Variants in LATS2 observed in about 807,000 individuals in gnomAD.
The protein encoded by LATS2 is serine/threonine-protein kinase LATS2.
In LATS2, 24 loss-of-function variants were observed where a neutral mutation model predicts 76.0. That is an observed-to-expected ratio of 0.32 (90% CI 0.23 to 0.44). LATS2 has a LOEUF of 0.44. LATS2 is among the 20% of genes least tolerant of loss of function. The pLI is 1.00. For synonymous variants in LATS2, 692 were observed against 635.4 expected, an observed-to-expected ratio of 1.09 and a Z score of -1.34; for missense variants, 1,286 against 1,481.2, an observed-to-expected ratio of 0.87 and a Z score of 2.16.
Position 21,049,191 on chromosome 13 carries a change from G to A in LATS2, c.-204-2961C>T, listed in dbSNP as rs180809643. On this transcript the variant is annotated intron_variant, in intron 1 of 7. Transcript: ENST00000382592. ...GACTCGGGGGTAGTGGGGGTGTCTC[G>A]TGGGATGAAACCATGGAGGTATCCA... 3.7e-4 allele frequency among the ~76,000 whole-genome samples: 56 copies of A among 152,302 alleles called. 1 individual carries two copies. Among genetic ancestry groups the A allele is most frequent in the Admixed American group, 1.5e-3 (23 of 15,308 alleles).
chr13:21,045,242 T>C (rs1425170427), intron 2 of LATS2, among the ~76,000 whole-genome samples: 1 of 151,882 alleles, frequency 6.6e-6, no homozygotes, highest in Non-Finnish European at 1.5e-5. Context: ...AGTCAGAGAA[T>C]AGCCAATGCA....
chr13:20,973,766 C>T lies in LATS2; in HGVS notation c.*1104G>A, dbSNP rs1177550464. The stretch of plus-strand genomic sequence containing the variant: ...AGAAGAAAACAGGACTAAGAACATT[C>T]ACTGAAGCTTTCAGTGTGGGCAGTC... On this transcript the variant is annotated 3_prime_UTR_variant, in exon 8 of 8. Transcript: ENST00000382592. 1 of 229,760 alleles carries T rather than the reference C, an allele frequency of 4.4e-6. No homozygotes were observed. The highest frequency in any genetic ancestry group is 2.2e-5 in the African/African-American group (1 of 45,142). The allele number at this position is 229,760 out of a possible 1,614,324, so 14.2% of individuals were successfully genotyped here. A position where few individuals can be genotyped will look rare whatever the true frequency, so the allele number is the denominator to read the frequency against.
intron 2 of LATS2, among the ~76,000 whole-genome samples, chr13:21,019,397 G>A (rs1206978072): frequency 6.7e-6 from 1 of 149,608 alleles, no homozygotes; most frequent in Non-Finnish European, 1.5e-5. Context: ...CGCAATCTCA[G>A]CTCACTGCAA....
intron 6 of LATS2, among the ~76,000 whole-genome samples, 174 bp from the exon 7 acceptor site, chr13:20,979,971 G>A (rs942990754): frequency 5.3e-5 from 8 of 152,184 alleles, no homozygotes; most frequent in African/African-American, 1.9e-4. Context: ...GTGGGGTGGT[G>A]GGGGGCGGTG....
Position 21,012,234 on chromosome 13 carries a change from C to A in LATS2, c.343-20830G>T, listed in dbSNP as rs529411212. 1.0e-3 allele frequency among the ~76,000 whole-genome samples: 156 copies of A among 152,176 alleles called. 1 individual carries two copies. The highest frequency in any genetic ancestry group is 0.01 in the Middle Eastern group (3 of 294). ...AAAAAATGCATATCTATATAGGACA[C>A]TTAACATGAATGGAGCCTGTAGGGA... On this transcript the variant is annotated intron_variant, in intron 2 of 7. Transcript: ENST00000382592.
chr13:20,974,335 T>C lies in LATS2; in HGVS notation c.*535A>G, dbSNP rs1374071823. On this transcript the variant is annotated 3_prime_UTR_variant, in exon 8 of 8. Transcript: ENST00000382592. Reference sequence around the variant, plus strand: ...AGCAGCTTTTAACATTATATCATTATATCACAATTTTGAAACATGGGAAAA... The same window carrying C: ...AGCAGCTTTTAACATTATATCATTACATCACAATTTTGAAACATGGGAAAA... 2.6e-5 allele frequency: 6 copies of C among 226,546 alleles called. No homozygotes were observed. In the South Asian group the frequency reaches 7.3e-4, roughly 28 times the overall value. 14.0% of individuals were successfully genotyped at this position (226,546 alleles called of 1,614,324 possible). A position where few individuals can be genotyped will look rare whatever the true frequency, so the allele number is the denominator to read the frequency against.
Position 20,988,510 on chromosome 13 carries a change from G to T in LATS2, c.1270C>A (p.Pro424Thr). The T allele has an allele frequency of 6.6e-7, 1 of 1,512,038 alleles. No homozygotes were observed. Among genetic ancestry groups the T allele is most frequent in the Non-Finnish European group, 8.9e-7 (1 of 1,118,814 alleles). 93.7% of individuals were successfully genotyped at this position (1,512,038 alleles called of 1,614,324 possible). The change falls in exon 4 of 8, where the codon CCC (proline) becomes ACC (threonine). Residue 424 changes from proline (P) to threonine (T), a missense_variant. Physicochemically the swap from Pro to Thr is conservative, Grantham distance 38. Around this residue, in one of 5 missense-constraint regions of LATS2, gnomAD observed 710 missense variants for 660.9 expected, o/e 1.07. Transcript: ENST00000382592. Reference protein sequence around the residue: ...PRPGPPGKAEPSLPAPNTVTA... With the variant: ...PRPGPPGKAETSLPAPNTVTA... ...ACGGTGTTGGGGGCGGGCAGGGAGG[G>T]CTCGGCCTTGCCAGGCGGACCGGGC... is the stretch of plus-strand genomic sequence containing the variant.
intron 2 of LATS2, among the ~76,000 whole-genome samples, chr13:21,007,545 GTATATATA>G (rs71090549): frequency 8.0e-3 from 29 of 3,606 alleles, no homozygotes; most frequent in East Asian, 0.017. Context: ...TATATATATA[GTATATATA>G]TATATATATA....
At chr13:21,004,478 T>C (rs478243) in intron 2 of LATS2, among the ~76,000 whole-genome samples, 62,351 of 151,036 alleles carry the variant, frequency 0.41, 14,678 homozygotes, top group African/African-American at 0.63. Flanking sequence ...GAGAATCAAA[T>C]TTTAACAGTA....
In LATS2 at chr13:20,998,634, C is replaced by T. The variant is rs562356105; in HGVS notation, c.343-7230G>A. On this transcript the variant is annotated intron_variant, in intron 2 of 7. Coordinates refer to ENST00000382592, the MANE Select transcript of LATS2 (RefSeq NM_014572.3). ...GGAAAGGCCCCTGGAAGAATGAGGC[C>T]CTCCGGGCCCAGGCCTCCTCTAACC... Among the ~76,000 whole-genome samples, 31 of 152,340 alleles carry T rather than the reference C, an allele frequency of 2.0e-4. 1 individual carries two copies. In the East Asian group the frequency reaches 6.0e-3, roughly 29 times the overall value.
chr13:20,974,744 A>C lies in LATS2; in HGVS notation c.*126T>G. 1 of 1,008,812 alleles carries C rather than the reference A, an allele frequency of 9.9e-7. No homozygotes were observed. The highest frequency in any genetic ancestry group is 1.4e-6 in the Non-Finnish European group (1 of 702,258). The allele number at this position is 1,008,812 out of a possible 1,614,324, so 62.5% of individuals were successfully genotyped here. A position where few individuals can be genotyped will look rare whatever the true frequency, so the allele number is the denominator to read the frequency against. On this transcript the variant is annotated 3_prime_UTR_variant, in exon 8 of 8. Transcript: ENST00000382592. Reference sequence around the variant, plus strand: ...TTTTCTTGGTGAAGAGCAGAATTTCAAGTGAAGTAATCGACGGACTAATTT... The same window carrying C: ...TTTTCTTGGTGAAGAGCAGAATTTCCAGTGAAGTAATCGACGGACTAATTT...
At chr13:20,998,486 T>C (rs1290318226) in intron 2 of LATS2, among the ~76,000 whole-genome samples, 5 of 152,220 alleles carry the variant, frequency 3.3e-5, no homozygotes, top group Non-Finnish European at 5.9e-5. Flanking sequence ...CTGTGCTTGC[T>C]TGGAGGATTG....
chr13:21,055,658 C>T (rs567963692), intron 1 of LATS2, among the ~76,000 whole-genome samples: 2 of 152,220 alleles, frequency 1.3e-5, no homozygotes, highest in Non-Finnish European at 2.9e-5. Context: ...CAAACCCACA[C>T]TGGCTGCCAA....
chr13:21,044,093 C>A (rs562010784), intron 2 of LATS2, among the ~76,000 whole-genome samples: 2 of 152,234 alleles, frequency 1.3e-5, no homozygotes, highest in African/African-American at 4.8e-5. Context: ...AAACACTCTG[C>A]ACCACATTAC....
intron 2 of LATS2, chr13:21,017,923 G>A (rs1384723850): frequency 1.3e-5 from 2 of 152,198 alleles, no homozygotes; most frequent in Non-Finnish European, 2.9e-5. Flanking sequence ...AGCATGTCCA[G>A]CCTGATTCAT....
rs553420114 is a variant in LATS2, at chr13:21,002,103, C to T, written c.343-10699G>A. On this transcript the variant is annotated intron_variant, in intron 2 of 7. Coordinates refer to ENST00000382592, the MANE Select transcript of LATS2 (RefSeq NM_014572.3). The stretch of plus-strand genomic sequence containing the variant: ...TAATTTTTTGTATTTTTAGTAGAGA[C>T]GGGGTTTCACCATGTTAGCTAAGAT... Among the ~76,000 whole-genome samples, 240 of 151,508 alleles carry T rather than the reference C, an allele frequency of 1.6e-3. 1 individual carries two copies. The highest frequency in any genetic ancestry group is 5.1e-3 in the African/African-American group (211 of 41,418).
chr13:21,021,528 A>G (rs919260704), intron 2 of LATS2, among the ~76,000 whole-genome samples: 1 of 145,596 alleles, frequency 6.9e-6, no homozygotes, highest in African/African-American at 2.5e-5. Context: ...CATTTCTGAT[A>G]TGCACGTTTA....
At position 20,993,035 on chromosome 13, in the gene LATS2, C is replaced by CAA. The variant is rs551359225; in HGVS notation, c.343-1633_343-1632dup. ...TGGCGACAAAGTGTGACTCCATCTC[C>CAA]AAAAAAAAAAAAAAAAAAAAAAAAA... On this transcript the variant is annotated intron_variant, in intron 2 of 7. Coordinates refer to ENST00000382592, the MANE Select transcript of LATS2 (RefSeq NM_014572.3). Among the ~76,000 whole-genome samples, 438 of 88,930 alleles carry CAA rather than the reference C, an allele frequency of 4.9e-3. 14 individuals are homozygous for CAA. Among genetic ancestry groups the CAA allele is most frequent in the African/African-American group, 9.6e-3 (184 of 19,212 alleles). 58.3% of individuals were successfully genotyped at this position (88,930 alleles called of 152,430 possible).
At chr13:20,990,922 C>T (rs1870480800) in intron 3 of LATS2, among the ~76,000 whole-genome samples, 1 of 152,220 alleles carries the variant, frequency 6.6e-6, no homozygotes, top group Non-Finnish European at 1.5e-5. Context: ...CCTCCACAGG[C>T]CCAAGAGAAA....
Sources: allele counts gnomAD v4.1 joint callset (sites outside exome capture counted in the v4.1 genomes callset), GRCh38; gene constraint gnomAD v4.1.1; regional missense constraint gnomAD v4.1.1; transcripts MANE v1.5; gene names NCBI Gene and HGNC (gene_info 2026-07-23, HGNC 2026-07-21).